KCNJ6: variants seen among roughly 807,000 people sequenced by gnomAD.
KCNJ6 encodes potassium inwardly rectifying channel subfamily J member 6.
KCNJ6 carries 9 observed loss-of-function variants against 34.2 expected under a neutral mutation model. That is an observed-to-expected ratio of 0.26 (90% CI 0.16 to 0.46). The LOEUF is 0.46. Among genes scored for constraint, KCNJ6 ranks in the 20% least tolerant of loss-of-function variants. The pLI is 1.00. For missense variants in KCNJ6, 236 were observed against 531.3 expected (o/e 0.44, Z 5.46); for synonymous variants, 196 against 207.1 (o/e 0.95, Z 0.46).
chr21:37,863,154 T>C (rs2055603349), intron 1 of KCNJ6, among the ~76,000 whole-genome samples: 1 of 152,158 alleles, frequency 6.6e-6, no homozygotes, highest in South Asian at 2.1e-4. Context: ...TTTGTGTTAT[T>C]TGATTCATTA....
chr21:37,884,445 G>T (rs2836033), intron 1 of KCNJ6, among the ~76,000 whole-genome samples: 7,533 of 152,004 alleles, frequency 0.05, 411 homozygotes, highest in East Asian at 0.23. Flanking sequence ...TTCCATCACA[G>T]CCTTCCAGGG....
chr21:37,819,783 T>C (rs1443256643), intron 2 of KCNJ6, among the ~76,000 whole-genome samples: 1 of 140,692 alleles, frequency 7.1e-6, no homozygotes, highest in Admixed American at 7.6e-5. Flanking sequence ...TTGTCTAAGA[T>C]GGAATGTTAA....
At chr21:37,789,096 G>A (rs1022970656) in intron 2 of KCNJ6, among the ~76,000 whole-genome samples, 2 of 152,202 alleles carry the variant, frequency 1.3e-5, no homozygotes, top group African/African-American at 2.4e-5. Flanking sequence ...GTCATGGAAT[G>A]TAAGTGGAAG....
intron 2 of KCNJ6, among the ~76,000 whole-genome samples, chr21:37,726,560 A>T (rs1169242582): frequency 6.6e-6 from 1 of 152,186 alleles, no homozygotes; most frequent in African/African-American, 2.4e-5. Context: ...CTACTTTGCA[A>T]ATATTGCCAT....
intron 2 of KCNJ6, chr21:37,717,032 T>G: frequency 6.5e-6 from 1 of 154,352 alleles, no homozygotes; most frequent in Admixed American, 6.5e-5. Context: ...GGGATTTGAG[T>G]GCCCCCAACC....
intron 3 of KCNJ6, among the ~76,000 whole-genome samples, chr21:37,679,768 C>T (rs1467399446): frequency 6.6e-6 from 1 of 152,188 alleles, no homozygotes; most frequent in Non-Finnish European, 1.5e-5. Context: ...CAGCCTGGCA[C>T]TCTGTTTATC....
In KCNJ6 at chr21:37,620,701, G is replaced by A. The variant is rs1354577324; in HGVS notation, c.*4458C>T. On this transcript the variant is annotated 3_prime_UTR_variant, in exon 4 of 4. Transcript: ENST00000609713. ...AACCCTAGTTTTCCCTCTATAAAAT[G>A]TAAATTATAATACTCAACCTCTCAT... 1 of 152,130 alleles carries A rather than the reference G, an allele frequency of 6.6e-6. No homozygotes were observed. The highest frequency in any genetic ancestry group is 1.5e-5 in the Non-Finnish European group (1 of 68,032). The allele number at this position is 152,130 out of a possible 1,614,324, so 9.4% of individuals were successfully genotyped here.
At chr21:37,823,169 C>A (rs528367571) in intron 2 of KCNJ6, among the ~76,000 whole-genome samples, 2 of 152,120 alleles carry the variant, frequency 1.3e-5, no homozygotes, top group African/African-American at 4.8e-5. Context: ...GCCGAACCAG[C>A]CCCCACGGCC....
rs569067714 is a variant in KCNJ6, at chr21:37,636,523, A to G, written c.947-11039T>C. Among the ~76,000 whole-genome samples the G allele has an allele frequency of 7.9e-5, 12 of 152,348 alleles. No individual in the cohort carries two copies. The South Asian group carries it at 2.5e-3, about 32-fold the overall frequency. ...AAGAGTTAAGCTTGCAGGGACATGC[A>G]TGCAAACAACCTGTCTTTGGGTGGC... On this transcript the variant is annotated intron_variant, in intron 3 of 3. Coordinates refer to ENST00000609713, the MANE Select transcript of KCNJ6 (RefSeq NM_002240.5).
At chr21:37,840,881 C>A (rs1397476706) in intron 1 of KCNJ6, among the ~76,000 whole-genome samples, 172 bp from the exon 2 acceptor site, 1 of 152,150 alleles carries the variant, frequency 6.6e-6, no homozygotes, top group East Asian at 1.9e-4. Flanking sequence ...CAGTCAGTCA[C>A]TGAAAAGAGA....
chr21:37,741,141 G>C (rs1049953529), intron 2 of KCNJ6, among the ~76,000 whole-genome samples: 1 of 152,176 alleles, frequency 6.6e-6, no homozygotes, highest in Admixed American at 6.5e-5. Flanking sequence ...ATATTGACTT[G>C]CTTGCAAGAT....
intron 3 of KCNJ6, among the ~76,000 whole-genome samples, chr21:37,629,633 G>T (rs549297365): frequency 1.3e-5 from 2 of 152,266 alleles, no homozygotes; most frequent in Admixed American, 6.5e-5. Context: ...AAGGAGAGGG[G>T]TCTCAGAAGA....
chr21:37,715,533 T>C (rs1348259547), intron 2 of KCNJ6, among the ~76,000 whole-genome samples: 2 of 152,224 alleles, frequency 1.3e-5, no homozygotes, highest in Non-Finnish European at 1.5e-5. Flanking sequence ...ACTTAGCAAC[T>C]CTTAGTGGGC....
At position 37,689,836 on chromosome 21, in the gene KCNJ6, C is replaced by T. The variant is rs114023756; in HGVS notation, c.946+24375G>A. On this transcript the variant is annotated intron_variant, in intron 3 of 3. Transcript: ENST00000609713. ...GGACTTTCACCCACACCATTGCTTC[C>T]TATCAGGGAAGCAGTAGTGTCTCCC... Among the ~76,000 whole-genome samples, 1,148 of 151,988 alleles carry T rather than the reference C, an allele frequency of 7.6e-3. 17 individuals carry two copies. Among genetic ancestry groups the T allele is most frequent in the African/African-American group, 0.026 (1,087 of 41,440 alleles).
intron 2 of KCNJ6, among the ~76,000 whole-genome samples, chr21:37,837,882 A>C (rs2055459891): frequency 6.6e-6 from 1 of 152,226 alleles, no homozygotes; most frequent in Non-Finnish European, 1.5e-5. Flanking sequence ...ATATTTAATT[A>C]GTCATGAGTT....
intron 2 of KCNJ6, among the ~76,000 whole-genome samples, chr21:37,763,157 C>T (rs1052208115): frequency 7.9e-5 from 12 of 152,078 alleles, no homozygotes; most frequent in African/African-American, 2.9e-4. Context: ...GGCAAGTCAC[C>T]ACCCGCTCCC....
chr21:37,828,795 G>A (rs566077771), intron 2 of KCNJ6, among the ~76,000 whole-genome samples: 5 of 152,288 alleles, frequency 3.3e-5, no homozygotes, highest in African/African-American at 7.2e-5. Flanking sequence ...TAAACATGCT[G>A]CCTTCTCCCA....
intron 3 of KCNJ6, among the ~76,000 whole-genome samples, chr21:37,694,521 C>T (rs1291905962): frequency 2.0e-5 from 3 of 152,178 alleles, no homozygotes; most frequent in Admixed American, 1.3e-4. Flanking sequence ...ACATGTGTGG[C>T]CCTTACAACA....
intron 3 of KCNJ6, among the ~76,000 whole-genome samples, chr21:37,710,220 A>T (rs2054744330): frequency 2.0e-5 from 3 of 152,208 alleles, no homozygotes; most frequent in Non-Finnish European, 4.4e-5. Flanking sequence ...AAGTTTGAAC[A>T]CTTGGTAGAT....
Sources: allele counts gnomAD v4.1 joint callset (sites outside exome capture counted in the v4.1 genomes callset), GRCh38; gene constraint gnomAD v4.1.1; transcripts MANE v1.5; gene names NCBI Gene and HGNC (gene_info 2026-07-23, HGNC 2026-07-21).